SEMA3C: variants seen among roughly 807,000 people sequenced by gnomAD.
The protein encoded by SEMA3C is semaphorin-3C.
A neutral mutation model predicts 89.4 loss-of-function variants in SEMA3C; 47 were observed. That is an observed-to-expected ratio of 0.53 (90% confidence interval 0.42 to 0.67). The LOEUF is 0.67. Among genes scored for constraint, SEMA3C ranks in the 30% least tolerant of loss-of-function variants. The probability of loss-of-function intolerance (pLI) is 0.00; values close to 1 mark genes in which losing one functional copy is unlikely to be tolerated. For missense variants in SEMA3C, 839 were observed against 929.1 expected, an observed-to-expected ratio of 0.90 and a Z score of 1.26; for synonymous variants, 310 against 320.2, an observed-to-expected ratio of 0.97 and a Z score of 0.34.
chr7:80,898,504 TTAA>T (rs1203006630), intron 2 of SEMA3C, among the ~76,000 whole-genome samples: 1 of 152,160 alleles, frequency 6.6e-6, no homozygotes, highest in Non-Finnish European at 1.5e-5. Context: ...AGTAATTGTA[TTAA>T]TAAGAATTAT....
At chr7:80,788,398 A>C (rs1321286717) in intron 12 of SEMA3C, among the ~76,000 whole-genome samples, 1 of 152,224 alleles carries the variant, frequency 6.6e-6, no homozygotes, top group African/African-American at 2.4e-5. Flanking sequence ...GAAAGACGTG[A>C]GTAGTGGTTC....
chr7:80,910,394 T>C (rs1212917099), intron 2 of SEMA3C, among the ~76,000 whole-genome samples: 1 of 152,214 alleles, frequency 6.6e-6, no homozygotes, highest in Non-Finnish European at 1.5e-5. Flanking sequence ...ATACTTGCCA[T>C]CTTTTACAGC....
intron 5 of SEMA3C, 94 bp from the exon 6 acceptor site, chr7:80,810,795 A>G: frequency 1.0e-6 from 1 of 953,280 alleles, no homozygotes; most frequent in South Asian, 1.4e-5. Flanking sequence ...TAAAATTAAT[A>G]TGCTTTCTAG....
chr7:80,758,794 G>C, intron 14 of SEMA3C, among the ~76,000 whole-genome samples: 1 of 152,250 alleles, frequency 6.6e-6, no homozygotes, highest in East Asian at 1.9e-4. Flanking sequence ...ACAGATTTAA[G>C]TTATGACTTT....
At chr7:80,786,567 T>C (rs1228261572) in intron 12 of SEMA3C, among the ~76,000 whole-genome samples, 1 of 152,230 alleles carries the variant, frequency 6.6e-6, no homozygotes, top group Non-Finnish European at 1.5e-5. Flanking sequence ...ACTGTTTTTC[T>C]AACACAAACT....
Position 80,742,950 on chromosome 7 carries a change from T to C in SEMA3C, c.*1944A>G, listed in dbSNP as rs1259969147. The C allele has an allele frequency of 2.6e-5, 4 of 151,912 alleles. No individual in the cohort carries two copies. The highest frequency in any genetic ancestry group is 9.7e-5 in the African/African-American group (4 of 41,428). 9.4% of individuals were successfully genotyped at this position (151,912 alleles called of 1,614,324 possible). A position where few individuals can be genotyped will look rare whatever the true frequency, so the allele number is the denominator to read the frequency against. On this transcript the variant is annotated 3_prime_UTR_variant, in exon 18 of 18. Transcript: ENST00000265361. ...AATAGAAAGAATTAAATAGCACAAA[T>C]ATAGTATAAAACTAAACACCGTTAC...
upstream of SEMA3C, chr7:80,919,119 G>C (rs1320162720): frequency 2.0e-6 from 2 of 984,764 alleles, no homozygotes; most frequent in Non-Finnish European, 1.2e-6. Context: ...GCGGCGCGCG[G>C]CTCCGGCTGC....
intron 2 of SEMA3C, among the ~76,000 whole-genome samples, chr7:80,858,752 G>A (rs10954378): frequency 0.094 from 14,314 of 152,134 alleles, 953 homozygotes; most frequent in African/African-American, 0.18. Context: ...TAGAGGCCAT[G>A]CTTTTCACAT....
At chr7:80,746,140 AG>A in intron 17 of SEMA3C, among the ~76,000 whole-genome samples, 1 of 152,244 alleles carries the variant, frequency 6.6e-6, no homozygotes, top group South Asian at 2.1e-4. Flanking sequence ...CTTTCATTGA[AG>A]AAAAAATAAA....
At chr7:80,789,249 A>G in intron 12 of SEMA3C, 57 bp downstream of exon 12, 4 of 1,380,480 alleles carry the variant, frequency 2.9e-6, no homozygotes, top group Non-Finnish European at 4.0e-6. Context: ...CCTACTACCT[A>G]TATTTAGTAC....
intron 2 of SEMA3C, among the ~76,000 whole-genome samples, chr7:80,901,716 A>C (rs1791884792): frequency 6.6e-6 from 1 of 152,234 alleles, no homozygotes; most frequent in Admixed American, 6.5e-5. Flanking sequence ...CATTTCATAA[A>C]ATAGTTGTCT....
chr7:80,749,016 G>A lies in SEMA3C; in HGVS notation c.1724C>T (p.Ala575Val). 1.2e-6 allele frequency: 2 copies of A among 1,604,244 alleles called. No homozygotes were observed. Among genetic ancestry groups the A allele is most frequent in the Non-Finnish European group, 1.7e-6 (2 of 1,176,878 alleles). Residue 575 changes from alanine (A) to valine (V), a missense_variant, in exon 17 of 18, where the codon GCA becomes GTA. Coordinates refer to ENST00000265361, the MANE Select transcript of SEMA3C (RefSeq NM_006379.5). Reference sequence around the variant, plus strand: ...TACTCCATACTGGACAATTTCAGCTGCATTTCTGTATGCTAGCAGGCAAAA... The same window carrying A: ...TACTCCATACTGGACAATTTCAGCTACATTTCTGTATGCTAGCAGGCAAAA... ...RGFNLKAYRN[A>V]AEIVQYGVKN...
chr7:80,789,184 G>C, intron 12 of SEMA3C, 122 bp downstream of exon 12: 3 of 734,348 alleles, frequency 4.1e-6, no homozygotes, highest in Non-Finnish European at 6.8e-6. Flanking sequence ...ATCTCACTAA[G>C]GGCTAGACAG....
Position 80,744,800 on chromosome 7 carries a change from TCCC to T in SEMA3C, c.*91_*93del. On this transcript the variant is annotated 3_prime_UTR_variant, in exon 18 of 18. Transcript: ENST00000265361. ...AGGAGTAATCACCTTTTTCAGTAAT[TCCC>T]CTTGGTAAAGCACAAGTTTCTTTGC... 7.2e-7 allele frequency: 1 copy of T among 1,392,348 alleles called. No individual in the cohort carries two copies. Among genetic ancestry groups the T allele is most frequent in the Admixed American group, 1.9e-5 (1 of 52,384 alleles). 86.2% of individuals were successfully genotyped at this position (1,392,348 alleles called of 1,614,324 possible). A position where few individuals can be genotyped will look rare whatever the true frequency, so the allele number is the denominator to read the frequency against.
intron 15 of SEMA3C, among the ~76,000 whole-genome samples, chr7:80,757,695 G>A (rs1788095640): frequency 6.6e-6 from 1 of 152,240 alleles, no homozygotes; most frequent in African/African-American, 2.4e-5. Flanking sequence ...AGACGGCCGG[G>A]AGCGGTGGCT....
At position 80,761,676 on chromosome 7, in the gene SEMA3C, A is replaced by G; in HGVS notation, c.1444-19T>C. 6.2e-6 allele frequency: 8 copies of G among 1,288,818 alleles called. No individual in the cohort carries two copies. Among genetic ancestry groups the G allele is most frequent in the Non-Finnish European group, 8.6e-6 (8 of 933,746 alleles). The allele number at this position is 1,288,818 out of a possible 1,614,324, so 79.8% of individuals were successfully genotyped here. A position where few individuals can be genotyped will look rare whatever the true frequency, so the allele number is the denominator to read the frequency against. Reference sequence around the variant, plus strand: ...CATGATTCTAAAATATTAGAAAACAACATGTTAGTTGCTCAAATATTGCTT... The same window carrying G: ...CATGATTCTAAAATATTAGAAAACAGCATGTTAGTTGCTCAAATATTGCTT... On this transcript the variant is annotated intron_variant, in intron 13 of 17. Coordinates refer to ENST00000265361, the MANE Select transcript of SEMA3C (RefSeq NM_006379.5).
chr7:80,916,890 A>G (rs1302412555), intron 1 of SEMA3C, 71 bp from the exon 2 acceptor site: 3 of 1,259,838 alleles, frequency 2.4e-6, no homozygotes, highest in African/African-American at 1.5e-5. Flanking sequence ...ACAGCAATCT[A>G]GACAAAACAC....
chr7:80,746,188 T>A (rs1787795716), intron 17 of SEMA3C, among the ~76,000 whole-genome samples: 1 of 152,148 alleles, frequency 6.6e-6, no homozygotes, highest in Admixed American at 6.6e-5. Flanking sequence ...GCACGTTAAA[T>A]GTTTTCCTAA....
intron 2 of SEMA3C, among the ~76,000 whole-genome samples, chr7:80,879,050 A>C (rs1347335839): frequency 6.6e-6 from 1 of 152,144 alleles, no homozygotes; most frequent in Admixed American, 6.5e-5. Flanking sequence ...AGGTCCCTTC[A>C]TTGAGGTAGT....
Sources: allele counts gnomAD v4.1 joint callset (sites outside exome capture counted in the v4.1 genomes callset), GRCh38; gene constraint gnomAD v4.1.1; transcripts MANE v1.5; gene names NCBI Gene and HGNC (gene_info 2026-07-23, HGNC 2026-07-21).